Variants in PCDHB1 observed in about 807,000 individuals in gnomAD.
PCDHB1 encodes protocadherin beta 1, also known as protocadherin beta-1.
PCDHB1 carries 44 observed loss-of-function variants against 43.5 expected under a neutral mutation model. That is an observed-to-expected ratio of 1.01 (90% CI 0.79 to 1.30). The LOEUF (loss-of-function observed/expected upper bound fraction) is 1.30, where lower values mean the gene tolerates loss of function less well. Among genes scored for constraint, PCDHB1 ranks in the 50% most tolerant of loss-of-function variants. The pLI is 0.00. For synonymous variants in PCDHB1, 392 were observed against 400.8 expected (o/e 0.98, Z 0.26); for missense variants, 919 against 1,008.9 (o/e 0.91, Z 1.21).
At position 141,053,708 on chromosome 5, in the gene PCDHB1, T is replaced by A; in HGVS notation, c.2238T>A (p.Asn746Lys). The change falls in exon 1 of 1, where the codon AAT becomes AAA. Residue 746 changes from asparagine (N) to lysine (K), a missense_variant. Physicochemically the swap from Asn to Lys is moderately conservative, Grantham distance 94 (BLOSUM62 0). Transcript: ENST00000306549. ...FSNNLVQGQG[N>K]GSLSRPCPYE... ...ACAACCTGGTACAAGGACAAGGCAA[T>A]GGATCCTTATCTCGGCCTTGTCCAT... 6.2e-7 allele frequency: 1 copy of A among 1,613,988 alleles called. No individual in the cohort carries two copies. The highest frequency in any genetic ancestry group is 2.2e-5 in the East Asian group (1 of 44,888).
In PCDHB1 at chr5:141,051,664, G is replaced by A. The variant is rs1004262128; in HGVS notation, c.194G>A (p.Arg65Gln). Residue 65 changes from arginine to glutamine, a missense_variant, in exon 1 of 1, where the codon CGG becomes CAG. By Grantham distance (43) the Arg-to-Gln change is conservative (BLOSUM62 1). Transcript: ENST00000306549. Reference protein sequence around the residue: ...EVGKLAARGARLVSEGNKMHF... With the variant: ...EVGKLAARGAQLVSEGNKMHF... ...GGGAAGCTGGCTGCGCGCGGGGCGCGGCTGGTTTCCGAGGGCAACAAAATG... is the reference window on the plus strand; with the variant it reads ...GGGAAGCTGGCTGCGCGCGGGGCGCAGCTGGTTTCCGAGGGCAACAAAATG... The A allele has an allele frequency of 1.2e-6, 2 of 1,614,234 alleles. No individual in the cohort carries two copies. The highest frequency in any genetic ancestry group is 1.7e-5 in the Admixed American group (1 of 60,030).
At position 141,053,774 on chromosome 5, in the gene PCDHB1, T is replaced by C. The variant is rs782437168; in HGVS notation, c.2304T>C (p.Phe768=). The change falls in exon 1 of 1, where the codon TTT becomes TTC. Residue 768 remains phenylalanine (F), a synonymous_variant. Transcript: ENST00000306549. ...CCACTGGCACTGGTAATAGTGAGTTTCGCTTTCTTAAGCGTTTTATGCCCA... is the reference window on the plus strand; with the variant it reads ...CCACTGGCACTGGTAATAGTGAGTTCCGCTTTCTTAAGCGTTTTATGCCCA... ...CSATGTGNSE[F]RFLKRFMPNF... is the part of the protein sequence containing the mutation. 1 of 1,614,102 alleles carries C rather than the reference T, an allele frequency of 6.2e-7. No individual in the cohort carries two copies. Among genetic ancestry groups the C allele is most frequent in the Admixed American group, 1.7e-5 (1 of 60,006 alleles).
chr5:141,051,459 T>A lies in PCDHB1; in HGVS notation c.-12T>A. ...TTGGCTCTGATTGCAGAGAGCGCGC[T>A]TGTGAGAACTGATGGCGGGTACGCG... On this transcript the variant is annotated 5_prime_UTR_variant, in exon 1 of 1. In the 5' UTR this introduces an upstream ATG that the reference lacks. Transcript: ENST00000306549. 1 of 1,612,568 alleles carries A rather than the reference T, an allele frequency of 6.2e-7. No individual in the cohort carries two copies. Among genetic ancestry groups the A allele is most frequent in the Non-Finnish European group, 8.5e-7 (1 of 1,178,630 alleles).
In PCDHB1 at chr5:141,054,122, C is replaced by A; in HGVS notation, c.*195C>A. Reference sequence around the variant, plus strand: ...AATACAAAGCAGTTATCCTGATCCCCAGATCATATATCTATAACCCTTTCT... The same window carrying A: ...AATACAAAGCAGTTATCCTGATCCCAAGATCATATATCTATAACCCTTTCT... On this transcript the variant is annotated 3_prime_UTR_variant, in exon 1 of 1. Transcript: ENST00000306549. 3.6e-6 allele frequency: 2 copies of A among 552,136 alleles called. No homozygotes were observed. Among genetic ancestry groups the A allele is most frequent in the East Asian group, 2.8e-5 (1 of 35,218 alleles). The allele number at this position is 552,136 out of a possible 1,614,324, so 34.2% of individuals were successfully genotyped here.
rs782208321 is a variant in PCDHB1 at position 141,051,679 on chromosome 5, G to C, written c.209G>C (p.Gly70Ala). The C allele has an allele frequency of 6.2e-7, 1 of 1,614,224 alleles. No homozygotes were observed. The highest frequency in any genetic ancestry group is 8.5e-7 in the Non-Finnish European group (1 of 1,180,040). The change falls in exon 1 of 1, where the codon GGC becomes GCC. Residue 70 changes from glycine (G) to alanine (A), a missense_variant. Coordinates refer to ENST00000306549, the MANE Select transcript of PCDHB1 (RefSeq NM_013340.4). Reference sequence around the variant, plus strand: ...CGCGGGGCGCGGCTGGTTTCCGAGGGCAACAAAATGCATTTCCGGCTCCAC... The same window carrying C: ...CGCGGGGCGCGGCTGGTTTCCGAGGCCAACAAAATGCATTTCCGGCTCCAC... ...AARGARLVSE[G>A]NKMHFRLHRK...
In PCDHB1 at chr5:141,053,938, C is replaced by T; in HGVS notation, c.*11C>T. 3.1e-6 allele frequency: 5 copies of T among 1,597,610 alleles called. No homozygotes were observed. Among genetic ancestry groups the T allele is most frequent in the Middle Eastern group, 1.7e-4 (1 of 5,960 alleles). On this transcript the variant is annotated 3_prime_UTR_variant, in exon 1 of 1. Coordinates refer to ENST00000306549, the MANE Select transcript of PCDHB1 (RefSeq NM_013340.4). Reference sequence around the variant, plus strand: ...GATGACTATATGTAGCTCCTATTTACAGGCTCAGTGAGAGAAGAGAAGCAA... The same window carrying T: ...GATGACTATATGTAGCTCCTATTTATAGGCTCAGTGAGAGAAGAGAAGCAA...
At position 141,057,117 on chromosome 5, in the gene PCDHB1, C is replaced by T. The variant is rs1751148799; in HGVS notation, c.*3190C>T. On this transcript the variant is annotated 3_prime_UTR_variant, in exon 1 of 1. Coordinates refer to ENST00000306549, the MANE Select transcript of PCDHB1 (RefSeq NM_013340.4). ...CAAATAGCAGTGAAATTCATGAATA[C>T]ATATATACACACATACACAATGGAC... The T allele has an allele frequency of 6.6e-6, 1 of 152,124 alleles. No homozygotes were observed. The highest frequency in any genetic ancestry group is 2.4e-5 in the African/African-American group (1 of 41,426). 9.4% of individuals were successfully genotyped at this position (152,124 alleles called of 1,614,324 possible).
At position 141,051,572 on chromosome 5, in the gene PCDHB1, A is replaced by G. The variant is rs1554267032; in HGVS notation, c.102A>G (p.Ser34=). The part of the protein sequence containing the change: ...SVGDATTIRY[S]VAEEMESGSF... ...GGGATGCGACAACTATCCGCTATTC[A>G]GTGGCAGAGGAAATGGAGAGCGGCT... Residue 34 remains serine (S), a synonymous_variant, in exon 1 of 1, where the codon TCA becomes TCG. Transcript: ENST00000306549. 1.2e-6 allele frequency: 2 copies of G among 1,614,250 alleles called. No homozygotes were observed. Among genetic ancestry groups the G allele is most frequent in the Non-Finnish European group, 1.7e-6 (2 of 1,180,052 alleles).
At position 141,053,513 on chromosome 5, in the gene PCDHB1, T is replaced by C; in HGVS notation, c.2043T>C (p.Ser681=). The C allele has an allele frequency of 6.2e-7, 1 of 1,614,212 alleles. No homozygotes were observed. The highest frequency in any genetic ancestry group is 1.1e-5 in the South Asian group (1 of 91,080). Residue 681 remains serine, a synonymous_variant, in exon 1 of 1, where the codon TCT becomes TCC. Transcript: ENST00000306549. ...AGTTCCAGGATCCAACCAAGCATTC[T>C]AGAAAGGTAAATCCATCCACTAAAT... ...YLQFQDPTKH[S]RKVNPSTKYL...
In PCDHB1 at chr5:141,052,372, T is replaced by G. The variant is rs1186480040; in HGVS notation, c.902T>G (p.Val301Gly). 6.2e-7 allele frequency: 1 copy of G among 1,614,080 alleles called. No homozygotes were observed. Among genetic ancestry groups the G allele is most frequent in the Non-Finnish European group, 8.5e-7 (1 of 1,180,048 alleles). The change falls in exon 1 of 1, where the codon GTT becomes GGT. Residue 301 changes from valine to glycine, a missense_variant. Val to Gly is a moderately radical substitution (Grantham distance 109, BLOSUM62 -3). Coordinates refer to ENST00000306549, the MANE Select transcript of PCDHB1 (RefSeq NM_013340.4). ...TFQIDPQNGEVRLRGPLDFEA... is the reference protein window; with the variant it reads ...TFQIDPQNGEGRLRGPLDFEA... ...CAGATTGACCCTCAAAATGGAGAAG[T>G]TCGACTAAGAGGACCCCTCGATTTT...
rs530357860 is a variant in PCDHB1, at chr5:141,053,851, G to A, written c.2381G>A (p.Ser794Asn). 1.2e-6 allele frequency: 2 copies of A among 1,614,142 alleles called. No homozygotes were observed. The highest frequency in any genetic ancestry group is 3.3e-5 in the Admixed American group (2 of 60,026). The change falls in exon 1 of 1, where the codon AGT becomes AAT. Residue 794 changes from serine (S) to asparagine (N), a missense_variant. Ser to Asn is a conservative substitution (Grantham distance 46). Coordinates refer to ENST00000306549, the MANE Select transcript of PCDHB1 (RefSeq NM_013340.4). Reference sequence around the variant, plus strand: ...GAGATAAAAATGGAGGCTGGCTCCAGTTTGCCCCCAAATTCTGATAGGAAT... The same window carrying A: ...GAGATAAAAATGGAGGCTGGCTCCAATTTGCCCCCAAATTCTGATAGGAAT... The part of the protein sequence containing the change: ...TGEIKMEAGS[S>N]LPPNSDRNKS...
Position 141,052,915 on chromosome 5 carries a change from G to A in PCDHB1, c.1445G>A (p.Gly482Asp), listed in dbSNP as rs1751028033. ...GTCCATGCTGAGGATCTTGATTTGG[G>A]TGAGAATGCCCAAATAACATATTCT... ...GKVHAEDLDL[G>D]ENAQITYSLL... Residue 482 changes from glycine (G) to aspartate (D), a missense_variant, in exon 1 of 1, where the codon GGT becomes GAT. Physicochemically the swap from Gly to Asp is moderately conservative, Grantham distance 94. Transcript: ENST00000306549. 1 of 1,614,186 alleles carries A rather than the reference G, an allele frequency of 6.2e-7. No homozygotes were observed. The highest frequency in any genetic ancestry group is 1.1e-5 in the South Asian group (1 of 91,082).
Position 141,053,722 on chromosome 5 carries a change from G to A in PCDHB1, c.2252G>A (p.Arg751Gln), listed in dbSNP as rs782044557. ...GGACAAGGCAATGGATCCTTATCTC[G>A]GCCTTGTCCATATGAAATGTGTTCA... ...VQGQGNGSLS[R>Q]PCPYEMCSAT... is the part of the protein sequence containing the mutation. The change falls in exon 1 of 1, where the codon CGG (arginine) becomes CAG (glutamine). Residue 751 changes from arginine (R) to glutamine (Q), a missense_variant. Physicochemically the swap from Arg to Gln is conservative, Grantham distance 43. Coordinates refer to ENST00000306549, the MANE Select transcript of PCDHB1 (RefSeq NM_013340.4). 9 of 1,613,790 alleles carry A rather than the reference G, an allele frequency of 5.6e-6. No individual in the cohort carries two copies. Among genetic ancestry groups the A allele is most frequent in the African/African-American group, 2.7e-5 (2 of 74,884 alleles).
At position 141,051,753 on chromosome 5, in the gene PCDHB1, C is replaced by A. The variant is rs1588282380; in HGVS notation, c.283C>A (p.Leu95Ile). Reference sequence around the variant, plus strand: ...GAAGGAGAAACTGGATCGGGAGTCACTTTGTGGCAAAGCCGACCCTTGTGT... The same window carrying A: ...GAAGGAGAAACTGGATCGGGAGTCAATTTGTGGCAAAGCCGACCCTTGTGT... ...FVKEKLDRES[L>I]CGKADPCVLH... Residue 95 changes from leucine (L) to isoleucine (I), a missense_variant, in exon 1 of 1, where the codon CTT (leucine) becomes ATT (isoleucine). By Grantham distance (5) the Leu-to-Ile change is conservative. Coordinates refer to ENST00000306549, the MANE Select transcript of PCDHB1 (RefSeq NM_013340.4). 1 of 1,614,238 alleles carries A rather than the reference C, an allele frequency of 6.2e-7. No individual in the cohort carries two copies. The highest frequency in any genetic ancestry group is 2.2e-5 in the East Asian group (1 of 44,886).
At position 141,054,193 on chromosome 5, in the gene PCDHB1, T is replaced by G; in HGVS notation, c.*266T>G. 1 of 360,220 alleles carries G rather than the reference T, an allele frequency of 2.8e-6. No homozygotes were observed. The highest frequency in any genetic ancestry group is 5.0e-6 in the Non-Finnish European group (1 of 198,840). The allele number at this position is 360,220 out of a possible 1,614,324, so 22.3% of individuals were successfully genotyped here. Reference sequence around the variant, plus strand: ...AGAAATGTCACCCTCTATAAATGCATATGTGGTAGGAACTTCTGCTTTTCC... The same window carrying G: ...AGAAATGTCACCCTCTATAAATGCAGATGTGGTAGGAACTTCTGCTTTTCC... On this transcript the variant is annotated 3_prime_UTR_variant, in exon 1 of 1. Coordinates refer to ENST00000306549, the MANE Select transcript of PCDHB1 (RefSeq NM_013340.4).
Position 141,056,778 on chromosome 5 carries a change from T to C in PCDHB1, c.*2851T>C, listed in dbSNP as rs186691437. 2.4e-3 allele frequency: 368 copies of C among 152,312 alleles called. 2 individuals are homozygous for C. The highest frequency in any genetic ancestry group is 8.5e-3 in the African/African-American group (354 of 41,566). 9.4% of individuals were successfully genotyped at this position (152,312 alleles called of 1,614,324 possible). A position where few individuals can be genotyped will look rare whatever the true frequency, so the allele number is the denominator to read the frequency against. Reference sequence around the variant, plus strand: ...CATTACCACGCCCAGCTAAATTTTGTGTTTTTAGTAGAGACGGGGCTTCGC... The same window carrying C: ...CATTACCACGCCCAGCTAAATTTTGCGTTTTTAGTAGAGACGGGGCTTCGC... On this transcript the variant is annotated 3_prime_UTR_variant, in exon 1 of 1. Transcript: ENST00000306549.
chr5:141,052,931 A>G lies in PCDHB1; in HGVS notation c.1461A>G (p.Ile487Met). 3 of 1,614,230 alleles carry G rather than the reference A, an allele frequency of 1.9e-6. No homozygotes were observed. The highest frequency in any genetic ancestry group is 1.7e-6 in the Non-Finnish European group (2 of 1,180,040). ...EDLDLGENAQITYSLLPPKNG... is the reference protein window; with the variant it reads ...EDLDLGENAQMTYSLLPPKNG... ...TTGATTTGGGTGAGAATGCCCAAAT[A>G]ACATATTCTCTGTTGCCTCCAAAAA... Residue 487 changes from isoleucine to methionine, a missense_variant, in exon 1 of 1, where the codon ATA (isoleucine) becomes ATG (methionine). Physicochemically the swap from Ile to Met is conservative, Grantham distance 10. Coordinates refer to ENST00000306549, the MANE Select transcript of PCDHB1 (RefSeq NM_013340.4).
In PCDHB1 at chr5:141,053,783, T is replaced by C; in HGVS notation, c.2313T>C (p.Leu771=). 6.2e-7 allele frequency: 1 copy of C among 1,614,202 alleles called. No homozygotes were observed. The highest frequency in any genetic ancestry group is 2.2e-5 in the East Asian group (1 of 44,882). The change falls in exon 1 of 1, where the codon CTT becomes CTC. Residue 771 remains leucine (L), a synonymous_variant. Transcript: ENST00000306549. ...CTGGTAATAGTGAGTTTCGCTTTCT[T>C]AAGCGTTTTATGCCCAACTTCCCTT... The part of the protein sequence containing the change: ...TGTGNSEFRF[L]KRFMPNFPFP...
Position 141,053,134 on chromosome 5 carries a change from A to C in PCDHB1, c.1664A>C (p.Asp555Ala). 1.2e-6 allele frequency: 2 copies of C among 1,614,192 alleles called. No individual in the cohort carries two copies. Among genetic ancestry groups the C allele is most frequent in the Non-Finnish European group, 1.7e-6 (2 of 1,180,014 alleles). ...ACTGTCAGAGTGGTTGTCCTAGATG[A>C]CAATGACAATCGTCCAATGATCTTA... ...QVTVRVVVLD[D>A]NDNRPMILYP... Residue 555 changes from aspartate to alanine, a missense_variant, in exon 1 of 1, where the codon GAC (aspartate) becomes GCC (alanine). Transcript: ENST00000306549.
Sources: gnomAD v4.1 joint callset for allele counts on GRCh38, gnomAD v4.1.1 for gene constraint, MANE v1.5 for transcripts, NCBI Gene and HGNC (gene_info 2026-07-23, HGNC 2026-07-21) for gene names.